The following FBXO11 variants were observed in gnomAD, a reference collection of about 807,000 sequenced individuals.
FBXO11 encodes the protein F-box protein 11.
In FBXO11, 13 loss-of-function variants were observed where a neutral mutation model predicts 117.0. The observed-to-expected ratio is 0.11, with a 90% confidence interval of 0.07 to 0.18. The LOEUF is 0.18. FBXO11 is among the 10% of genes least tolerant of loss of function. The pLI is 1.00. For missense variants in FBXO11, 767 were observed against 1,164.4 expected (o/e 0.66, Z 4.97); for synonymous variants, 490 against 380.5 (o/e 1.29, Z -3.35).
chr2:47,842,388 T>A (rs569976871), intron 1 of FBXO11, among the ~76,000 whole-genome samples: 4 of 152,336 alleles, frequency 2.6e-5, no homozygotes, highest in African/African-American at 9.6e-5. Context: ...TCTTGCCTTG[T>A]TGGTATTACA....
chr2:47,870,921 T>C (rs1285607701), intron 1 of FBXO11, among the ~76,000 whole-genome samples: 1 of 152,196 alleles, frequency 6.6e-6, no homozygotes, highest in East Asian at 1.9e-4. Context: ...AAAATGAAAT[T>C]ACTGGATCAT....
chr2:47,815,314 C>T (rs551312243), intron 16 of FBXO11, among the ~76,000 whole-genome samples: 273 of 152,206 alleles, frequency 1.8e-3, no homozygotes, highest in Non-Finnish European at 3.3e-3. Context: ...CCTGGGTATC[C>T]CCCTCGGGAA....
At chr2:47,896,125 C>G (rs1185030863) in intron 1 of FBXO11, among the ~76,000 whole-genome samples, 1 of 152,136 alleles carries the variant, frequency 6.6e-6, no homozygotes, top group East Asian at 1.9e-4. Context: ...CAATCCTCAC[C>G]CCAAAATTAG....
chr2:47,847,253 A>G (rs1356697560), intron 1 of FBXO11, among the ~76,000 whole-genome samples: 2 of 152,098 alleles, frequency 1.3e-5, no homozygotes, highest in African/African-American at 2.4e-5. Flanking sequence ...TCAAACAAAC[A>G]AACAAAAAGA....
intron 1 of FBXO11, among the ~76,000 whole-genome samples, chr2:47,860,450 G>A (rs1364410418): frequency 3.4e-5 from 5 of 146,266 alleles, no homozygotes; most frequent in East Asian, 3.9e-4. Flanking sequence ...TGGCTCTGTC[G>A]CCCAGAGTGG....
At chr2:47,825,623 G>C (rs935555923) in intron 11 of FBXO11, among the ~76,000 whole-genome samples, 1 of 139,704 alleles carries the variant, frequency 7.2e-6, no homozygotes, top group African/African-American at 2.8e-5. Context: ...TCTGTTGTCT[G>C]GGTTGGAGTG....
At chr2:47,822,714 C>T (rs550889936) in intron 12 of FBXO11, among the ~76,000 whole-genome samples, 20 of 152,266 alleles carry the variant, frequency 1.3e-4, no homozygotes, top group Non-Finnish European at 2.8e-4. Context: ...TGACAGCTTG[C>T]AGTTTTTGAC....
At chr2:47,847,434 T>C (rs1238746964) in intron 1 of FBXO11, among the ~76,000 whole-genome samples, 1 of 151,912 alleles carries the variant, frequency 6.6e-6, no homozygotes, top group Admixed American at 6.6e-5. Context: ...CATGGCTGGG[T>C]GTGGTGGCTC....
At position 47,900,821 on chromosome 2, in the gene FBXO11, T is replaced by C. The variant is rs1320721723; in HGVS notation, c.232+4668A>G. On this transcript the variant is annotated intron_variant, in intron 1 of 22. Transcript: ENST00000403359. ...ATATACACGTATACACACACGTGTA[T>C]ATATATACACGTATACACACACGTG... Among the ~76,000 whole-genome samples the C allele has an allele frequency of 7.9e-5, 5 of 63,682 alleles. 1 individual carries two copies. The highest frequency in any genetic ancestry group is 1.9e-4 in the African/African-American group (4 of 20,950). The allele number at this position is 63,682 out of a possible 152,430, so 41.8% of individuals were successfully genotyped here.
At chr2:47,886,814 C>G (rs1446372857) in intron 1 of FBXO11, among the ~76,000 whole-genome samples, 3 of 151,926 alleles carry the variant, frequency 2.0e-5, no homozygotes, top group African/African-American at 7.3e-5. Context: ...TGTTTATATA[C>G]ACATGCATTT....
chr2:47,827,554 G>A (rs1413803705), intron 11 of FBXO11, among the ~76,000 whole-genome samples: 1 of 152,138 alleles, frequency 6.6e-6, no homozygotes, highest in African/African-American at 2.4e-5. Context: ...TGATCTGCTC[G>A]CCTCGGCTTC....
intron 13 of FBXO11, among the ~76,000 whole-genome samples, chr2:47,821,272 G>A (rs1039928334): frequency 1.3e-5 from 2 of 152,218 alleles, no homozygotes; most frequent in Middle Eastern, 3.4e-3. Context: ...GAGGCCAGGA[G>A]TTCAAAACCA....
chr2:47,881,849 G>C (rs908600279), intron 1 of FBXO11, among the ~76,000 whole-genome samples: 1 of 152,058 alleles, frequency 6.6e-6, no homozygotes, highest in African/African-American at 2.4e-5. Flanking sequence ...CCAGGTTCAA[G>C]TGATTCTCGT....
Position 47,905,786 on chromosome 2 carries a change from G to C in FBXO11, c.-66C>G, listed in dbSNP as rs573680795. 739 of 1,375,542 alleles carry C rather than the reference G, an allele frequency of 5.4e-4. 1 individual carries two copies. The highest frequency in any genetic ancestry group is 1.3e-3 in the South Asian group (107 of 81,220). 85.2% of individuals were successfully genotyped at this position (1,375,542 alleles called of 1,614,324 possible). A position where few individuals can be genotyped will look rare whatever the true frequency, so the allele number is the denominator to read the frequency against. The stretch of plus-strand genomic sequence containing the variant: ...CACGCACACGCACAGCGAGCTTCGG[G>C]GCAGGAGAAAGGGGTGGGGAGAGTG... On this transcript the variant is annotated 5_prime_UTR_variant, in exon 1 of 23. Transcript: ENST00000403359.
At chr2:47,842,699 AATTACT>A (rs1197607145) in intron 1 of FBXO11, among the ~76,000 whole-genome samples, 4 of 152,032 alleles carry the variant, frequency 2.6e-5, no homozygotes, top group African/African-American at 9.7e-5. Flanking sequence ...GAAGTATTTC[AATTACT>A]ATTATTTCAT....
At chr2:47,855,468 AC>A (rs1674215410) in intron 1 of FBXO11, among the ~76,000 whole-genome samples, 1 of 152,216 alleles carries the variant, frequency 6.6e-6, no homozygotes, top group Non-Finnish European at 1.5e-5. Context: ...ATAAACCCCT[AC>A]AACAAAGAAA....
intron 11 of FBXO11, among the ~76,000 whole-genome samples, chr2:47,828,424 A>G (rs937893209): frequency 6.6e-6 from 1 of 152,148 alleles, no homozygotes; most frequent in African/African-American, 2.4e-5. Context: ...CCTGGCCAAC[A>G]TGGTAAAACC....
At chr2:47,899,421 C>A (rs1036746844) in intron 1 of FBXO11, among the ~76,000 whole-genome samples, 4 of 151,926 alleles carry the variant, frequency 2.6e-5, no homozygotes, top group Admixed American at 6.6e-5. Flanking sequence ...ATTTAAAAGA[C>A]CTATCATTTA....
At chr2:47,838,586 T>C (rs796176767) in intron 4 of FBXO11, among the ~76,000 whole-genome samples, 1 of 152,222 alleles carries the variant, frequency 6.6e-6, no homozygotes, top group Non-Finnish European at 1.5e-5. Context: ...AATTACACTG[T>C]TATGTTTCTA....
Sources: gnomAD v4.1 joint callset for allele counts (sites outside exome capture counted in the v4.1 genomes callset) on GRCh38, gnomAD v4.1.1 for gene constraint, MANE v1.5 for transcripts, NCBI Gene and HGNC (gene_info 2026-07-23, HGNC 2026-07-21) for gene names.